The following ITPKC variants were observed in gnomAD, a reference collection of about 807,000 sequenced individuals.
ITPKC encodes the protein inositol-trisphosphate 3-kinase C, also known as IP3 3-kinase C.
A neutral mutation model predicts 67.1 loss-of-function variants in ITPKC; 33 were observed. The ratio of observed to expected loss-of-function variants is 0.49; its 90% confidence interval spans 0.37 to 0.66. The LOEUF (loss-of-function observed/expected upper bound fraction) is 0.66, where lower values mean the gene tolerates loss of function less well. Among genes scored for constraint, ITPKC ranks in the 30% least tolerant of loss-of-function variants. The probability of loss-of-function intolerance (pLI) is 0.00; values close to 1 mark genes in which losing one functional copy is unlikely to be tolerated. For synonymous variants in ITPKC, 341 were observed against 359.8 expected (o/e 0.95, Z 0.59); for missense variants, 820 against 892.1 (o/e 0.92, Z 1.03).
intron 2 of ITPKC, among the ~76,000 whole-genome samples, chr19:40,728,560 ACTCTGGAGAGTGACG>A (rs1466429291): frequency 6.6e-6 from 1 of 152,142 alleles, no homozygotes; most frequent in Non-Finnish European, 1.5e-5. Context: ...AAGCAAATCC[ACTCTGGAGAGTGACG>A]CTCTGGACTT....
rs750694284 is a variant in ITPKC, at chr19:40,718,133, C to T, written c.998C>T (p.Thr333Ile). Residue 333 changes from threonine (T) to isoleucine (I), a missense_variant, in exon 1 of 7, where the codon ACC (threonine) becomes ATC (isoleucine). Physicochemically the swap from Thr to Ile is moderately conservative, Grantham distance 89 (BLOSUM62 -1). This residue lies in a region of ITPKC where 481 missense variants were observed against 470.1 expected (regional missense o/e 1.02). Transcript: ENST00000263370. The part of the protein sequence containing the change: ...PLCPVPRLII[T>I]PETPEPEAQP... ...TGCCCTGTGCCCCGCCTCATCATTACCCCTGAGACCCCTGAGCCTGAGGCC... is the reference window on the plus strand; with the variant it reads ...TGCCCTGTGCCCCGCCTCATCATTATCCCTGAGACCCCTGAGCCTGAGGCC... 6 of 1,607,766 alleles carry T rather than the reference C, an allele frequency of 3.7e-6. No individual in the cohort carries two copies. The highest frequency in any genetic ancestry group is 1.7e-5 in the Admixed American group (1 of 59,918).
chr19:40,740,119 TCA>T lies in ITPKC; in HGVS notation c.*560_*561del. 6.4e-6 allele frequency: 1 copy of T among 155,674 alleles called. No individual in the cohort carries two copies. 9.6% of individuals were successfully genotyped at this position (155,674 alleles called of 1,614,324 possible). ...ATTTGAGTGCTGAGCGACAAGAGGCTCAGAGGGCATGACCCCATGGGACTGGA... is the reference window on the plus strand; with the variant it reads ...ATTTGAGTGCTGAGCGACAAGAGGCTGAGGGCATGACCCCATGGGACTGGA... On this transcript the variant is annotated 3_prime_UTR_variant, in exon 7 of 7. Coordinates refer to ENST00000263370, the MANE Select transcript of ITPKC (RefSeq NM_025194.3).
chr19:40,729,877 C>G lies in ITPKC; in HGVS notation c.1469+462C>G, dbSNP rs555764666. On this transcript the variant is annotated intron_variant, in intron 3 of 6. Transcript: ENST00000263370. Reference sequence around the variant, plus strand: ...ATGAGTGTTACAGTCGTCCCAGATTCTCACCGGTGCTTGGTACTGTCTGTT... The same window carrying G: ...ATGAGTGTTACAGTCGTCCCAGATTGTCACCGGTGCTTGGTACTGTCTGTT... 1.2e-4 allele frequency among the ~76,000 whole-genome samples: 18 copies of G among 152,354 alleles called. No individual in the cohort carries two copies. In the South Asian group the frequency reaches 3.7e-3, roughly 32 times the overall value.
chr19:40,717,617 C>A lies in ITPKC; in HGVS notation c.482C>A (p.Ala161Asp). ...GACCTCCAGTTTCAGCCCGAGGAGG[C>A]CAGCCCCTGGACACAGCCAGGGGTT... ...RSDLQFQPEEASPWTQPGVHG... is the reference protein window; with the variant it reads ...RSDLQFQPEEDSPWTQPGVHG... The change falls in exon 1 of 7, where the codon GCC (alanine) becomes GAC (aspartate). Residue 161 changes from alanine to aspartate, a missense_variant. By Grantham distance (126) the Ala-to-Asp change is moderately radical. Coordinates refer to ENST00000263370, the MANE Select transcript of ITPKC (RefSeq NM_025194.3). 6.2e-7 allele frequency: 1 copy of A among 1,614,150 alleles called. No individual in the cohort carries two copies.
intron 4 of ITPKC, among the ~76,000 whole-genome samples, chr19:40,736,314 A>G (rs1261721534): frequency 6.6e-6 from 1 of 151,802 alleles, no homozygotes; most frequent in Admixed American, 6.6e-5. Flanking sequence ...GAGCAGAGTC[A>G]CGATTCACAG....
At chr19:40,727,737 T>G (rs2144742348) in intron 2 of ITPKC, among the ~76,000 whole-genome samples, 1 of 152,356 alleles carries the variant, frequency 6.6e-6, no homozygotes, top group East Asian at 1.9e-4. Flanking sequence ...TGAAGGTAAG[T>G]GTCTCTGCCA....
chr19:40,719,394 T>TAATAATAAC (rs1198664660), intron 1 of ITPKC, among the ~76,000 whole-genome samples: 7 of 151,278 alleles, frequency 4.6e-5, no homozygotes, highest in African/African-American at 1.7e-4. Flanking sequence ...ATAATAATAA[T>TAATAATAAC]AACAACAACA....
At chr19:40,722,556 T>C (rs2082227272) in intron 1 of ITPKC, among the ~76,000 whole-genome samples, 1 of 152,024 alleles carries the variant, frequency 6.6e-6, no homozygotes, top group East Asian at 1.9e-4. Flanking sequence ...TCCCTGATCC[T>C]GGGGTAGGAG....
chr19:40,718,859 A>G (rs531685093), intron 1 of ITPKC, among the ~76,000 whole-genome samples: 60 of 152,274 alleles, frequency 3.9e-4, no homozygotes, highest in Admixed American at 3.3e-3. Context: ...CAAACGCCAA[A>G]GGATCCTTGG....
At chr19:40,733,934 A>G (rs2144751447) in intron 4 of ITPKC, among the ~76,000 whole-genome samples, 1 of 152,260 alleles carries the variant, frequency 6.6e-6, no homozygotes, top group Non-Finnish European at 1.5e-5. Context: ...ACACAGTTCA[A>G]AAGTCAAAAT....
At chr19:40,730,473 C>T (rs1286940929) in intron 3 of ITPKC, among the ~76,000 whole-genome samples, 1 of 151,922 alleles carries the variant, frequency 6.6e-6, no homozygotes, top group Non-Finnish European at 1.5e-5. Flanking sequence ...ATTCTGTTGC[C>T]CCGACTGAAG....
rs1276786306 is a variant in ITPKC, at chr19:40,736,890, C to T, written c.1675-96C>T. On this transcript the variant is annotated intron_variant, in intron 4 of 6. Coordinates refer to ENST00000263370, the MANE Select transcript of ITPKC (RefSeq NM_025194.3). Reference sequence around the variant, plus strand: ...GTGTTGCCCAGGCTGGTCTTGGCCACCGCGCCCGGCCTCCTGGGAGGTATT... The same window carrying T: ...GTGTTGCCCAGGCTGGTCTTGGCCATCGCGCCCGGCCTCCTGGGAGGTATT... The T allele has an allele frequency of 6.8e-6, 5 of 740,122 alleles. No homozygotes were observed. In the East Asian group the frequency reaches 8.5e-5, roughly 13 times the overall value. The allele number at this position is 740,122 out of a possible 1,614,324, so 45.8% of individuals were successfully genotyped here.
intron 2 of ITPKC, 123 bp downstream of exon 2, chr19:40,725,562 T>A: frequency 1.4e-6 from 1 of 728,448 alleles, no homozygotes. Context: ...CTTATGGGAC[T>A]GTTATGGGCA....
At chr19:40,739,285 T>C in intron 6 of ITPKC, 72 bp from the exon 7 acceptor site, 1 of 1,138,058 alleles carries the variant, frequency 8.8e-7, no homozygotes, top group Non-Finnish European at 1.3e-6. Flanking sequence ...ATCACCCTGC[T>C]CTGCTGCCTG....
rs766101750 is a variant in ITPKC at position 40,718,100 on chromosome 19, GC to G, written c.970del (p.Leu324CysfsTer69). 5.0e-6 allele frequency: 8 copies of G among 1,613,264 alleles called. No homozygotes were observed. The highest frequency in any genetic ancestry group is 6.8e-6 in the Non-Finnish European group (8 of 1,179,966). On this transcript the variant is annotated frameshift_variant, in exon 1 of 7. Transcript: ENST00000263370. LOFTEE classifies it high-confidence loss of function. ...CACCTGTACTCTCACCTGAAGTGTAGCCCCCTGTGCCCTGTGCCCCGCCTCA... is the reference window on the plus strand; with the variant it reads ...CACCTGTACTCTCACCTGAAGTGTAGCCCCTGTGCCCTGTGCCCCGCCTCA... ...LTHLYSHLKCSPLCPVPRLII... is the reference protein window; with the variant it reads ...LTHLYSHLKCXPLCPVPRLII...
chr19:40,738,553 A>G (rs1355435165), intron 6 of ITPKC, among the ~76,000 whole-genome samples: 1 of 152,004 alleles, frequency 6.6e-6, no homozygotes, highest in Non-Finnish European at 1.5e-5. Context: ...CTCTGTCTCA[A>G]AAAAAAAGCA....
intron 1 of ITPKC, among the ~76,000 whole-genome samples, chr19:40,720,366 C>CA (rs200873505): frequency 0.12 from 13,657 of 115,928 alleles, 911 homozygotes; most frequent in African/African-American, 0.23. Context: ...GACTCGGTCT[C>CA]AAAAAAAAAA....
Position 40,739,520 on chromosome 19 carries a change from A to G in ITPKC, c.2012A>G (p.Asp671Gly). Residue 671 changes from aspartate to glycine, a missense_variant, in exon 7 of 7, where the codon GAC becomes GGC. Coordinates refer to ENST00000263370, the MANE Select transcript of ITPKC (RefSeq NM_025194.3). ...NREDGYLWGL[D>G]NMICLLQGLA... ...GAGGACGGCTACCTCTGGGGCCTGG[A>G]CAACATGATCTGCCTCCTGCAGGGG... The G allele has an allele frequency of 6.2e-7, 1 of 1,613,698 alleles. No homozygotes were observed. Among genetic ancestry groups the G allele is most frequent in the Non-Finnish European group, 8.5e-7 (1 of 1,180,008 alleles).
intron 4 of ITPKC, among the ~76,000 whole-genome samples, chr19:40,734,893 T>C (rs980146352): frequency 6.6e-6 from 1 of 152,066 alleles, no homozygotes; most frequent in South Asian, 2.1e-4. Context: ...GCGATTCTTC[T>C]GCCTCAGCCT....
Sources: gnomAD v4.1 joint callset for allele counts (sites outside exome capture counted in the v4.1 genomes callset) on GRCh38, gnomAD v4.1.1 for gene constraint, gnomAD v4.1.1 regional missense constraint, MANE v1.5 for transcripts, NCBI Gene and HGNC (gene_info 2026-07-23, HGNC 2026-07-21) for gene names.